MYH14: variants seen among roughly 807,000 people sequenced by gnomAD.
MYH14 encodes the protein myosin-14.
A neutral mutation model predicts 255.5 loss-of-function variants in MYH14; 123 were observed. That is an observed-to-expected ratio of 0.48 (90% CI 0.42 to 0.56). The LOEUF (loss-of-function observed/expected upper bound fraction) is 0.56, where lower values mean the gene tolerates loss of function less well. Ranked by LOEUF, MYH14 falls within the 20% of genes least tolerant of loss-of-function variation. The probability of loss-of-function intolerance (pLI) is 0.00; values close to 1 mark genes in which losing one functional copy is unlikely to be tolerated. For missense variants in MYH14, 2,423 were observed against 2,802.3 expected, an observed-to-expected ratio of 0.86 and a Z score of 3.06; for synonymous variants, 1,095 against 1,161.2, an observed-to-expected ratio of 0.94 and a Z score of 1.16.
chr19:50,278,115 C>T lies in MYH14; in HGVS notation c.3858C>T (p.Ala1286=), dbSNP rs769519700. ...GTGCATGGGAGAAGACCCGGCTGGC[C>T]CTGGAGGCCGAGGTGTCCGAGCTGC... ...GKGAWEKTRL[A]LEAEVSELRA... is the part of the protein sequence containing the mutation. The change falls in exon 30 of 43, where the codon GCC becomes GCT. Residue 1286 remains alanine, a synonymous_variant. Transcript: ENST00000642316. The T allele has an allele frequency of 7.5e-6, 12 of 1,598,080 alleles. No individual in the cohort carries two copies. Among genetic ancestry groups the T allele is most frequent in the Non-Finnish European group, 6.8e-6 (8 of 1,168,142 alleles).
chr19:50,204,981 T>C (rs1357185312), intron 1 of MYH14, among the ~76,000 whole-genome samples: 1 of 151,966 alleles, frequency 6.6e-6, no homozygotes, highest in Non-Finnish European at 1.5e-5. Flanking sequence ...TAGGTACTCT[T>C]ATCACCATGT....
intron 24 of MYH14, among the ~76,000 whole-genome samples, chr19:50,269,678 CACA>C (rs1299563924): frequency 2.0e-5 from 3 of 152,170 alleles, no homozygotes; most frequent in Admixed American, 2.0e-4. Context: ...CAGGCTTTGT[CACA>C]ACAACAGGTG....
At chr19:50,258,865 T>A in intron 18 of MYH14, 7 of 328,172 alleles carry the variant, frequency 2.1e-5, no homozygotes, top group East Asian at 5.0e-5. Flanking sequence ...CCCACATCCC[T>A]CCCTGCGGAT....
chr19:50,273,641 C>T (rs1258048381), intron 27 of MYH14, among the ~76,000 whole-genome samples: 4 of 142,400 alleles, frequency 2.8e-5, no homozygotes, highest in African/African-American at 1.1e-4. Context: ...TGGTTAAGAA[C>T]ACGTCTTTGT....
Position 50,272,586 on chromosome 19 carries a change from C to G in MYH14, c.3322C>G (p.Arg1108Gly), listed in dbSNP as rs769702697. Residue 1108 changes from arginine to glycine, a missense_variant, in exon 27 of 43, where the codon CGC becomes GGC. By Grantham distance (125) the Arg-to-Gly change is moderately radical. Transcript: ENST00000642316. Reference sequence around the variant, plus strand: ...CCGCCTACGGAAGGAGGAGAAGGGTCGCCAGGAGCTGGAGAAGCTGAAGCG... The same window carrying G: ...CCGCCTACGGAAGGAGGAGAAGGGTGGCCAGGAGCTGGAGAAGCTGAAGCG... ...EDRLRKEEKG[R>G]QELEKLKRRL... The G allele has an allele frequency of 6.3e-7, 1 of 1,578,800 alleles. No individual in the cohort carries two copies. The highest frequency in any genetic ancestry group is 8.6e-7 in the Non-Finnish European group (1 of 1,163,148).
intron 1 of MYH14, among the ~76,000 whole-genome samples, chr19:50,208,683 A>T (rs185056979): frequency 1.4e-4 from 21 of 152,358 alleles, no homozygotes; most frequent in African/African-American, 5.0e-4. Flanking sequence ...AAAGTAAAAA[A>T]GGAACGGGTA....
Position 50,276,026 on chromosome 19 carries a change from T to G in MYH14, c.3503T>G (p.Leu1168Arg), listed in dbSNP as rs1402409014. The G allele has an allele frequency of 6.2e-7, 1 of 1,612,956 alleles. No individual in the cohort carries two copies. Among genetic ancestry groups the G allele is most frequent in the East Asian group, 2.2e-5 (1 of 44,856 alleles). The change falls in exon 28 of 43, where the codon CTG becomes CGG. Residue 1168 changes from leucine (L) to arginine (R), a missense_variant. Physicochemically the swap from Leu to Arg is moderately radical, Grantham distance 102. This residue lies in a region of MYH14 where 1,513 missense variants were observed against 1,674.8 expected (regional missense o/e 0.90). Transcript: ENST00000642316. The surrounding 1 kb of genome is among the most constrained non-coding windows in gnomAD (Gnocchi z 4.3). ...GAGGGTGGGGCCCGGGCCCAGCTGC[T>G]GAAATCCCTGCGGGAGGCTCAAGCA... ...EDEGGARAQL[L>R]KSLREAQAAL...
chr19:50,208,797 G>A (rs576091092), intron 1 of MYH14, among the ~76,000 whole-genome samples: 96 of 152,104 alleles, frequency 6.3e-4, no homozygotes, highest in African/African-American at 2.3e-3. Flanking sequence ...TCTTTTTGTT[G>A]TACTAAGTCT....
rs78488526 is a variant in MYH14, at chr19:50,237,255, C to T, written c.1114+5185C>T. ...ACCAGCTGGCAGCTGTCACCAGCTC[C>T]ATCAATGATGAACCGGTGACCTCTT... On this transcript the variant is annotated intron_variant, in intron 10 of 42. Coordinates refer to ENST00000642316, the MANE Select transcript of MYH14 (RefSeq NM_001145809.2). 1.9e-4 allele frequency among the ~76,000 whole-genome samples: 29 copies of T among 152,216 alleles called. No individual in the cohort carries two copies. In the East Asian group the frequency reaches 5.6e-3, roughly 29 times the overall value.
At chr19:50,213,377 C>T (rs2032302987) in intron 2 of MYH14, among the ~76,000 whole-genome samples, 1 of 152,198 alleles carries the variant, frequency 6.6e-6, no homozygotes, top group South Asian at 2.1e-4. Context: ...ATAAGCCCCA[C>T]AACTAGGAAC....
At chr19:50,256,375 T>C (rs555028588) in intron 17 of MYH14, among the ~76,000 whole-genome samples, 1 of 152,230 alleles carries the variant, frequency 6.6e-6, no homozygotes, top group African/African-American at 2.4e-5. Flanking sequence ...CTAGAGAAAA[T>C]AGAATCTTTT....
rs763817727 is a variant in MYH14, at chr19:50,257,506, G to A, written c.2232+20G>A. On this transcript the variant is annotated intron_variant, in intron 18 of 42. Coordinates refer to ENST00000642316, the MANE Select transcript of MYH14 (RefSeq NM_001145809.2). ...AAGAGGGTGAGTGACTCAGCCTGGG[G>A]AGGAAGGGGTGGCTGTGGCTGTGGG... The A allele has an allele frequency of 2.5e-6, 4 of 1,584,822 alleles. No individual in the cohort carries two copies. The highest frequency in any genetic ancestry group is 2.6e-6 in the Non-Finnish European group (3 of 1,164,744).
chr19:50,213,764 A>G (rs935857203), intron 2 of MYH14, among the ~76,000 whole-genome samples: 3 of 152,178 alleles, frequency 2.0e-5, no homozygotes, highest in Non-Finnish European at 4.4e-5. Flanking sequence ...CATTTGCCCA[A>G]CAGAAGCTGA....
At chr19:50,232,608 A>C (rs1305753777) in intron 10 of MYH14, among the ~76,000 whole-genome samples, 16 of 151,090 alleles carry the variant, frequency 1.1e-4, no homozygotes, top group South Asian at 2.1e-4. Flanking sequence ...AAAAAAAAAA[A>C]AAAAAAAACA....
chr19:50,235,765 A>G (rs897915596), intron 10 of MYH14, among the ~76,000 whole-genome samples: 1 of 151,982 alleles, frequency 6.6e-6, no homozygotes, highest in East Asian at 1.9e-4. Context: ...GGCTGGTGAT[A>G]GAATGAGACC....
At chr19:50,212,497 T>C (rs1196360076) in intron 2 of MYH14, among the ~76,000 whole-genome samples, 2 of 152,210 alleles carry the variant, frequency 1.3e-5, no homozygotes, top group Non-Finnish European at 1.5e-5. Context: ...TATCACCTGA[T>C]GTTCAGGATG....
chr19:50,216,801 CTTTT>C (rs200626930), intron 2 of MYH14, among the ~76,000 whole-genome samples: 19,567 of 108,378 alleles, frequency 0.18, 681 homozygotes, highest in South Asian at 0.26. Context: ...TCCATCCTTT[CTTTT>C]TTTTTTTTTT....
At chr19:50,287,809 G>C (rs914230124) in intron 34 of MYH14, among the ~76,000 whole-genome samples, 1 of 152,128 alleles carries the variant, frequency 6.6e-6, no homozygotes, top group African/African-American at 2.4e-5. Context: ...CTCAGAGAGA[G>C]AACACGAAGA....
chr19:50,270,881 A>G (rs970348113), intron 24 of MYH14, among the ~76,000 whole-genome samples: 1 of 151,962 alleles, frequency 6.6e-6, no homozygotes, highest in Non-Finnish European at 1.5e-5. Flanking sequence ...TTTTTAGTAG[A>G]GATGGGGTTT....
Sources: allele counts gnomAD v4.1 joint callset (sites outside exome capture counted in the v4.1 genomes callset), GRCh38; gene constraint gnomAD v4.1.1; regional missense constraint gnomAD v4.1.1; non-coding constraint Gnocchi (gnomAD v3.1); transcripts MANE v1.5; gene names NCBI Gene and HGNC (gene_info 2026-07-23, HGNC 2026-07-21).